Variants in ITGA3 observed in about 807,000 individuals in gnomAD.
The protein encoded by ITGA3 is integrin alpha-3.
A neutral mutation model predicts 131.1 loss-of-function variants in ITGA3; 70 were observed. That is an observed-to-expected ratio of 0.53 (90% CI 0.44 to 0.65). ITGA3 has a LOEUF of 0.65. Ranked by LOEUF, ITGA3 falls within the 30% of genes least tolerant of loss-of-function variation. The pLI, the probability that ITGA3 is intolerant of heterozygous loss-of-function variation, is 0.00. For synonymous variants in ITGA3, 537 were observed against 571.6 expected, an observed-to-expected ratio of 0.94 and a Z score of 0.86; for missense variants, 1,098 against 1,388.6, an observed-to-expected ratio of 0.79 and a Z score of 3.33.
rs1353848472 is a variant in ITGA3, at chr17:50,060,683, A to T, written c.207-3394A>T. Among the ~76,000 whole-genome samples, 4 of 152,110 alleles carry T rather than the reference A, an allele frequency of 2.6e-5. No homozygotes were observed. The East Asian group carries it at 7.8e-4, about 30-fold the overall frequency. On this transcript the variant is annotated intron_variant, in intron 1 of 25. Transcript: ENST00000320031. ...GGGGCTGGGGGTCTCTGCTCCCCCC[A>T]GTCCAGCCTGACTCCAGGAGAGGGG...
rs148126631 is a variant in ITGA3, at chr17:50,087,764, G to C, written c.2940G>C (p.Ser980=). 4 of 1,613,082 alleles carry C rather than the reference G, an allele frequency of 2.5e-6. No individual in the cohort carries two copies. Among genetic ancestry groups the C allele is most frequent in the Middle Eastern group, 1.7e-4 (1 of 5,894 alleles). The change falls in exon 24 of 26, where the codon TCG becomes TCC. Residue 980 remains serine, a synonymous_variant. Coordinates refer to ENST00000320031, the MANE Select transcript of ITGA3 (RefSeq NM_002204.4). ...KTTWFSVDID[S]ELVEELPAEI... ...TCCAGTTCTCTGTGGACATTGACTC[G>C]GAGCTGGTGGAGGAGCTGCCGGCCG...
chr17:50,059,051 G>A (rs2144253324), intron 1 of ITGA3, among the ~76,000 whole-genome samples: 1 of 152,318 alleles, frequency 6.6e-6, no homozygotes, highest in East Asian at 1.9e-4. Context: ...TAGAAACCCA[G>A]GGGTGGGACC....
intron 23 of ITGA3, among the ~76,000 whole-genome samples, chr17:50,083,480 T>C (rs540407802): frequency 3.5e-4 from 53 of 152,206 alleles, no homozygotes; most frequent in African/African-American, 1.2e-3. Flanking sequence ...TCCCAGCACT[T>C]TGGAGACTGA....
chr17:50,056,441 T>TGGGCCC lies in ITGA3; in HGVS notation c.3_8dup (p.Gly4_Pro5dup). 3 of 1,508,826 alleles carry TGGGCCC rather than the reference T, an allele frequency of 2.0e-6. No homozygotes were observed. The highest frequency in any genetic ancestry group is 2.5e-5 in the South Asian group (2 of 78,950). The allele number at this position is 1,508,826 out of a possible 1,614,324, so 93.5% of individuals were successfully genotyped here. ...GGGACCCCGCTTCCGCTGGCAGCCA[T>TGGGCCC]GGGCCCCGGCCCCAGCCGCGCGCCC... On this transcript the variant is annotated inframe_insertion, in exon 1 of 26. Transcript: ENST00000320031. This position sits in a 1 kb window ranked among gnomAD's most constrained non-coding sequence, Gnocchi z 5.6.
At chr17:50,077,167 G>A (rs1158340963) in intron 15 of ITGA3, 46 bp downstream of exon 15, 2 of 1,498,930 alleles carry the variant, frequency 1.3e-6, no homozygotes, top group Admixed American at 4.3e-5. Flanking sequence ...GGCTCCCCGC[G>A]TCTTTGCATC....
chr17:50,056,710 G>C lies in ITGA3; in HGVS notation c.206+65G>C, dbSNP rs1907844726. 3.4e-6 allele frequency: 5 copies of C among 1,489,912 alleles called. No homozygotes were observed. The highest frequency in any genetic ancestry group is 2.5e-5 in the East Asian group (1 of 40,032). The allele number at this position is 1,489,912 out of a possible 1,614,324, so 92.3% of individuals were successfully genotyped here. The stretch of plus-strand genomic sequence containing the variant: ...TGTGCGAGCGCGGGATGCGGGTCCG[G>C]AGCTGAGTCGGAGCCCAGGGCAGCT... On this transcript the variant is annotated intron_variant, in intron 1 of 25. Transcript: ENST00000320031. This position sits in a 1 kb window ranked among gnomAD's most constrained non-coding sequence, Gnocchi z 5.6.
rs755336953 is a variant in ITGA3 at position 50,078,063 on chromosome 17, C to T, written c.2157C>T (p.Ala719=). The T allele has an allele frequency of 6.2e-7, 1 of 1,613,220 alleles. No individual in the cohort carries two copies. Among genetic ancestry groups the T allele is most frequent in the East Asian group, 2.2e-5 (1 of 44,852 alleles). Reference sequence around the variant, plus strand: ...TGTGGCAGATGGAGCTGCTCATCGCCTTTGAGGTCATCGGGGTGACCCTGC... The same window carrying T: ...TGTGGCAGATGGAGCTGCTCATCGCTTTTGAGGTCATCGGGGTGACCCTGC... The part of the protein sequence containing the change: ...KRNQRMELLI[A]FEVIGVTLHT... The change falls in exon 17 of 26, where the codon GCC becomes GCT. Residue 719 remains alanine, a synonymous_variant. Transcript: ENST00000320031.
chr17:50,087,770 G>T lies in ITGA3; in HGVS notation c.2946G>T (p.Leu982=). 2 of 1,613,368 alleles carry T rather than the reference G, an allele frequency of 1.2e-6. No homozygotes were observed. Among genetic ancestry groups the T allele is most frequent in the South Asian group, 2.2e-5 (2 of 91,054 alleles). The part of the protein sequence containing the change: ...TWFSVDIDSE[L]VEELPAEIEL... The stretch of plus-strand genomic sequence containing the variant: ...TCTCTGTGGACATTGACTCGGAGCT[G>T]GTGGAGGAGCTGCCGGCCGAAATCG... The change falls in exon 24 of 26, where the codon CTG becomes CTT. Residue 982 remains leucine, a synonymous_variant. Transcript: ENST00000320031.
rs769825502 is a variant in ITGA3 at position 50,080,368 on chromosome 17, T to C, written c.2813T>C (p.Phe938Ser). The change falls in exon 22 of 26, where the codon TTC (phenylalanine) becomes TCC (serine). Residue 938 changes from phenylalanine to serine, a missense_variant. Coordinates refer to ENST00000320031, the MANE Select transcript of ITGA3 (RefSeq NM_002204.4). ...AAGGCACGAGTGTGGAACAGCACCT[T>C]CATCGAGGTCAGTGCCTGGGTCTGA... ...TVKARVWNST[F>S]IEDYRDFDRV... The C allele has an allele frequency of 1.2e-6, 2 of 1,606,122 alleles. No individual in the cohort carries two copies. The highest frequency in any genetic ancestry group is 1.7e-6 in the Non-Finnish European group (2 of 1,174,146).
At chr17:50,076,286 A>AGCAGT (rs1348741087) in intron 12 of ITGA3, 40 bp from the exon 13 acceptor site, 1 of 1,594,042 alleles carries the variant, frequency 6.3e-7, no homozygotes, top group Non-Finnish European at 8.6e-7. Context: ...TGGGGCAGGG[A>AGCAGT]GCAGTGCAGG....
chr17:50,063,140 G>A (rs1248838195), intron 1 of ITGA3, among the ~76,000 whole-genome samples: 1 of 148,452 alleles, frequency 6.7e-6, no homozygotes, highest in South Asian at 2.1e-4. Context: ...TCTGGTATGG[G>A]ACGGGTTGCC....
intron 20 of ITGA3, 57 bp downstream of exon 20, chr17:50,079,315 T>C: frequency 6.3e-7 from 1 of 1,583,030 alleles, no homozygotes; most frequent in South Asian, 1.1e-5. Flanking sequence ...AAGGCCAGTG[T>C]CTTCCCCTCC....
chr17:50,068,814 T>TTTA (rs1908458831), intron 4 of ITGA3, among the ~76,000 whole-genome samples: 3 of 118,704 alleles, frequency 2.5e-5, no homozygotes, highest in Admixed American at 1.8e-4. Context: ...AATCAGTCTT[T>TTTA]TTTATTTATT....
intron 6 of ITGA3, 123 bp downstream of exon 6, chr17:50,071,641 G>C: frequency 1.1e-6 from 1 of 944,352 alleles, no homozygotes; most frequent in Admixed American, 2.5e-5. Flanking sequence ...TGTTTGCAGA[G>C]GTTTGCAGTC....
intron 5 of ITGA3, 87 bp from the exon 6 acceptor site, chr17:50,071,224 G>C: frequency 8.5e-7 from 1 of 1,176,544 alleles, no homozygotes; most frequent in Admixed American, 2.0e-5. Flanking sequence ...ATGGTGGGGG[G>C]CAAGAGAGGG....
At chr17:50,088,490 A>G (rs1909569483) in intron 25 of ITGA3, 124 bp downstream of exon 25, 1 of 592,450 alleles carries the variant, frequency 1.7e-6, no homozygotes, top group African/African-American at 1.9e-5. Context: ...CCACCACCCC[A>G]AAGATCAGGT....
chr17:50,079,758 A>G (rs1020598692), intron 21 of ITGA3, among the ~76,000 whole-genome samples: 3 of 152,228 alleles, frequency 2.0e-5, no homozygotes, highest in African/African-American at 7.2e-5. Flanking sequence ...GATTGAAGAC[A>G]AGGGACCAAA....
At position 50,089,752 on chromosome 17, in the gene ITGA3, C is replaced by T. The variant is rs984272735; in HGVS notation, c.*674C>T. ...GCCCCCGGGCCGCTGGCTGGTGGGC[C>T]CCCAATGACACCCATGCCAGAGAGG... On this transcript the variant is annotated 3_prime_UTR_variant, in exon 26 of 26. Coordinates refer to ENST00000320031, the MANE Select transcript of ITGA3 (RefSeq NM_002204.4). 5.8e-6 allele frequency: 1 copy of T among 172,058 alleles called. No homozygotes were observed. The highest frequency in any genetic ancestry group is 2.4e-5 in the African/African-American group (1 of 42,364). The allele number at this position is 172,058 out of a possible 1,614,324, so 10.7% of individuals were successfully genotyped here.
intron 24 of ITGA3, 65 bp downstream of exon 24, chr17:50,087,934 A>G (rs1428627886): frequency 3.4e-6 from 5 of 1,483,894 alleles, no homozygotes; most frequent in Non-Finnish European, 4.5e-6. Flanking sequence ...CCTTCCTCCA[A>G]CCCACGTCTC....
Sources: gnomAD v4.1 joint callset for allele counts (sites outside exome capture counted in the v4.1 genomes callset) on GRCh38, gnomAD v4.1.1 for gene constraint, Gnocchi (gnomAD v3.1) non-coding constraint, MANE v1.5 for transcripts, NCBI Gene and HGNC (gene_info 2026-07-23, HGNC 2026-07-21) for gene names.